The following RERE variants were observed in gnomAD, a reference collection of about 807,000 sequenced individuals.
The protein encoded by RERE is arginine-glutamic acid dipeptide repeats protein.
In RERE, 40 loss-of-function variants were observed where a neutral mutation model predicts 146.1. That is an observed-to-expected ratio of 0.27 (90% CI 0.21 to 0.36). The LOEUF (loss-of-function observed/expected upper bound fraction) is 0.36, where lower values mean the gene tolerates loss of function less well. Ranked by LOEUF, RERE falls within the 10% of genes least tolerant of loss-of-function variation. RERE has a pLI of 1.00. For synonymous variants in RERE, 1,003 were observed against 866.0 expected (o/e 1.16, Z -2.78); for missense variants, 1,933 against 2,138.7 (o/e 0.90, Z 1.90).
intron 10 of RERE, among the ~76,000 whole-genome samples, chr1:8,470,322 GCGTGATCTCGACT>G (rs2124143730): frequency 1.3e-5 from 2 of 152,184 alleles, no homozygotes; most frequent in African/African-American, 4.8e-5. Flanking sequence ...GAGTGCAGTG[GCGTGATCTCGACT>G]CACTGCAACC....
At chr1:8,763,854 T>C (rs1448702348) in intron 1 of RERE, among the ~76,000 whole-genome samples, 1 of 149,342 alleles carries the variant, frequency 6.7e-6, no homozygotes, top group African/African-American at 2.5e-5. Flanking sequence ...GGCAGGAGAA[T>C]CACTTGAACC....
chr1:8,515,606 G>A (rs1645403677), intron 7 of RERE, among the ~76,000 whole-genome samples: 1 of 152,122 alleles, frequency 6.6e-6, no homozygotes, highest in African/African-American at 2.4e-5. Flanking sequence ...ACCCCAGCCT[G>A]AGTGACAGAG....
rs574643649 is a variant in RERE, at chr1:8,710,064, C to T, written c.-144-53623G>A. ...CTGTCAAGCCTCCTTTTATCACATT[C>T]GGCCATCTCACATCAGTGAAAAGAT... On this transcript the variant is annotated intron_variant, in intron 1 of 22. Transcript: ENST00000400908. Among the ~76,000 whole-genome samples, 4 of 152,314 alleles carry T rather than the reference C, an allele frequency of 2.6e-5. 1 individual carries two copies. Among genetic ancestry groups the T allele is most frequent in the South Asian group, 2.1e-4 (1 of 4,828 alleles).
At chr1:8,742,564 C>T (rs979229886) in intron 1 of RERE, among the ~76,000 whole-genome samples, 2 of 152,106 alleles carry the variant, frequency 1.3e-5, no homozygotes, top group African/African-American at 4.8e-5. Flanking sequence ...CTCACACCTG[C>T]GATCCCAGCG....
Position 8,355,522 on chromosome 1 carries a change from C to A in RERE, c.4564G>T (p.Ala1522Ser). Residue 1522 changes from alanine (A) to serine (S), a missense_variant, in exon 22 of 23, where the codon GCC becomes TCC. By Grantham distance (99) the Ala-to-Ser change is moderately conservative. This residue lies in a region of RERE where 133 missense variants were observed against 168.6 expected (regional missense o/e 0.79). Transcript: ENST00000400908. ...AGTCTCTGCAGCTCGGCCGACTGGG[C>A]ATGCATGGCCTGCAGCTGGTGGGCT... The part of the protein sequence containing the change: ...SAAHQLQAMH[A>S]QSAELQRLAM... 1 of 1,610,308 alleles carries A rather than the reference C, an allele frequency of 6.2e-7. No individual in the cohort carries two copies. Among genetic ancestry groups the A allele is most frequent in the Non-Finnish European group, 8.5e-7 (1 of 1,178,448 alleles).
intron 2 of RERE, among the ~76,000 whole-genome samples, chr1:8,653,823 T>C (rs1218819010): frequency 6.6e-6 from 1 of 152,098 alleles, no homozygotes; most frequent in African/African-American, 2.4e-5. Context: ...AAATTCTTAC[T>C]GCCCAATAGC....
chr1:8,565,522 C>A (rs182165351), intron 4 of RERE, among the ~76,000 whole-genome samples: 6 of 152,218 alleles, frequency 3.9e-5, no homozygotes, highest in Admixed American at 3.9e-4. Context: ...GCCTGGCCAA[C>A]ATGGTGAAAC....
At position 8,516,227 on chromosome 1, in the gene RERE, GAAAAA is replaced by G. The variant is rs58064164; in HGVS notation, c.831-7557_831-7553del. Among the ~76,000 whole-genome samples the G allele has an allele frequency of 3.2e-3, 168 of 52,320 alleles. 2 individuals are homozygous for G. The highest frequency in any genetic ancestry group is 0.012 in the African/African-American group (141 of 11,638). 34.3% of individuals were successfully genotyped at this position (52,320 alleles called of 152,430 possible). A position where few individuals can be genotyped will look rare whatever the true frequency, so the allele number is the denominator to read the frequency against. ...GGGACGGAGCAAGACTCTCTCAGAG[GAAAAA>G]AAAAAAAAAAAAAAAAATCTAGGTG... On this transcript the variant is annotated intron_variant, in intron 7 of 22. Transcript: ENST00000400908.
chr1:8,360,387 G>C lies in RERE; in HGVS notation c.3120C>G (p.Val1040=), dbSNP rs887580233. ...GGGTGATGGGAGGAGGGCCTCCAGG[G>C]ACAAAGGGGTGCTGAGCAAACGGGG... ...PQPPFAQHPF[V]PGGPPPITPP... The change falls in exon 18 of 23, where the codon GTC becomes GTG. Residue 1040 remains valine (V), a synonymous_variant. Coordinates refer to ENST00000400908, the MANE Select transcript of RERE (RefSeq NM_001042681.2). 1 of 1,179,148 alleles carries C rather than the reference G, an allele frequency of 8.5e-7. No individual in the cohort carries two copies. Among genetic ancestry groups the C allele is most frequent in the African/African-American group, 1.8e-5 (1 of 57,030 alleles). 73.0% of individuals were successfully genotyped at this position (1,179,148 alleles called of 1,614,324 possible).
At chr1:8,645,069 C>T (rs187486717) in intron 2 of RERE, among the ~76,000 whole-genome samples, 190 of 152,214 alleles carry the variant, frequency 1.2e-3, no homozygotes, top group African/African-American at 4.3e-3. Flanking sequence ...GTTTCCTCAT[C>T]TGTACAGCAG....
chr1:8,601,460 A>T (rs1646624433), intron 4 of RERE, among the ~76,000 whole-genome samples: 1 of 152,136 alleles, frequency 6.6e-6, no homozygotes, highest in South Asian at 2.1e-4. Context: ...GGGGGTACAG[A>T]CCACGTGACA....
At chr1:8,731,293 T>C (rs528621157) in intron 1 of RERE, among the ~76,000 whole-genome samples, 46 of 152,266 alleles carry the variant, frequency 3.0e-4, no homozygotes, top group Non-Finnish European at 5.3e-4. Context: ...AATCCCCTCG[T>C]ATTTTAGGCA....
intron 2 of RERE, among the ~76,000 whole-genome samples, chr1:8,644,915 C>G (rs1029034219): frequency 3.9e-5 from 6 of 152,196 alleles, no homozygotes; most frequent in Admixed American, 2.6e-4. Flanking sequence ...TCTATCTCTT[C>G]TTTTTTCTTC....
In RERE at chr1:8,654,678, G is replaced by C. The variant is rs541909838; in HGVS notation, c.325+1295C>G. ...AGACAGGGTCTTGCTCTGTTGCCCAGGCTAGAAAGCAGTGGTGCAATCATG... is the reference window on the plus strand; with the variant it reads ...AGACAGGGTCTTGCTCTGTTGCCCACGCTAGAAAGCAGTGGTGCAATCATG... On this transcript the variant is annotated intron_variant, in intron 2 of 22. Transcript: ENST00000400908. Among the ~76,000 whole-genome samples the C allele has an allele frequency of 1.2e-4, 18 of 150,148 alleles. No individual in the cohort carries two copies. In the South Asian group the frequency reaches 3.8e-3, roughly 32 times the overall value.
chr1:8,443,603 A>C (rs1644281209), intron 11 of RERE, among the ~76,000 whole-genome samples: 1 of 152,196 alleles, frequency 6.6e-6, no homozygotes, highest in South Asian at 2.1e-4. Context: ...AAAGGCCTTA[A>C]AGGAATTTCA....
intron 4 of RERE, among the ~76,000 whole-genome samples, chr1:8,596,084 C>A (rs1646552287): frequency 6.6e-6 from 1 of 152,210 alleles, no homozygotes; most frequent in African/African-American, 2.4e-5. Context: ...AACACGGCTA[C>A]ACAGTCATGC....
intron 1 of RERE, among the ~76,000 whole-genome samples, chr1:8,716,451 C>A (rs1639766859): frequency 2.0e-5 from 3 of 152,048 alleles, no homozygotes; most frequent in Admixed American, 1.3e-4. Flanking sequence ...GCCTGGGCAA[C>A]AGAGCAAGAC....
At chr1:8,734,990 C>G (rs1640169186) in intron 1 of RERE, among the ~76,000 whole-genome samples, 1 of 152,162 alleles carries the variant, frequency 6.6e-6, no homozygotes, top group Non-Finnish European at 1.5e-5. Flanking sequence ...GCCTCTCCCA[C>G]AAAATTGTAT....
At chr1:8,576,743 A>G (rs1342864108) in intron 4 of RERE, among the ~76,000 whole-genome samples, 1 of 152,242 alleles carries the variant, frequency 6.6e-6, no homozygotes. Context: ...AGGTTATGGG[A>G]AAAGGGTTGT....
Sources: gnomAD v4.1 joint callset for allele counts (sites outside exome capture counted in the v4.1 genomes callset) on GRCh38, gnomAD v4.1.1 for gene constraint, gnomAD v4.1.1 regional missense constraint, MANE v1.5 for transcripts, NCBI Gene and HGNC (gene_info 2026-07-23, HGNC 2026-07-21) for gene names.